GLB1: variants seen among roughly 807,000 people sequenced by gnomAD.
The protein encoded by GLB1 is beta-galactosidase.
In GLB1, 56 loss-of-function variants were observed where a neutral mutation model predicts 74.0. The observed-to-expected ratio is 0.76, with a 90% CI of 0.61 to 0.94. The LOEUF is 0.94. Among genes scored for constraint, GLB1 ranks in the 40% least tolerant of loss-of-function variants. The pLI is 0.00. For synonymous variants in GLB1, 323 were observed against 323.6 expected, an observed-to-expected ratio of 1.00 and a Z score of 0.02; for missense variants, 787 against 845.5, an observed-to-expected ratio of 0.93 and a Z score of 0.86.
intron 15 of GLB1, among the ~76,000 whole-genome samples, chr3:33,008,404 A>C (rs1696870773): frequency 6.6e-6 from 1 of 152,164 alleles, no homozygotes; most frequent in Admixed American, 6.5e-5. Context: ...TTCAGAATTC[A>C]GACTTCCTCC....
intron 10 of GLB1, among the ~76,000 whole-genome samples, chr3:33,027,340 C>G (rs949841286): frequency 6.6e-6 from 1 of 152,250 alleles, no homozygotes; most frequent in East Asian, 1.9e-4. Context: ...TGCTCACACA[C>G]CCCTTGCCGC....
At chr3:33,035,911 G>C (rs532692748) in intron 10 of GLB1, among the ~76,000 whole-genome samples, 3 of 152,172 alleles carry the variant, frequency 2.0e-5, no homozygotes, top group Admixed American at 2.0e-4. Context: ...TATAATTCAA[G>C]CTCCTTAACT....
chr3:32,972,727 T>A, the GLB1 span, among the ~76,000 whole-genome samples: 1 of 152,086 alleles, frequency 6.6e-6, no homozygotes. Flanking sequence ...ACCTCTGTTA[T>A]AAAAAGCACC....
the GLB1 span, among the ~76,000 whole-genome samples, chr3:32,988,185 C>CAAAAAAAAAAA: frequency 3.3e-5 from 2 of 60,448 alleles, 1 homozygote; most frequent in Non-Finnish European, 6.4e-5. Context: ...GACTCCATCT[C>CAAAAAAAAAAA]AAAAAAAAAA....
chr3:33,094,368 CAA>C, intron 1 of GLB1: 1 of 1,376,632 alleles, frequency 7.3e-7, no homozygotes, highest in Admixed American at 3.2e-5. Flanking sequence ...ATTCAAAACT[CAA>C]AGGCCACTTA....
At chr3:32,999,487 T>C (rs895766821) in intron 15 of GLB1, among the ~76,000 whole-genome samples, 1 of 152,190 alleles carries the variant, frequency 6.6e-6, no homozygotes, top group African/African-American at 2.4e-5. Flanking sequence ...GGTTTGGTCC[T>C]TTCTCAAACC....
chr3:33,052,301 G>A (rs1042340835), intron 7 of GLB1, among the ~76,000 whole-genome samples: 1 of 152,192 alleles, frequency 6.6e-6, no homozygotes, highest in Non-Finnish European at 1.5e-5. Flanking sequence ...GGAAAGTCTT[G>A]TTGGGCAAAG....
chr3:33,084,691 G>A (rs1700440210), intron 1 of GLB1, among the ~76,000 whole-genome samples: 1 of 151,980 alleles, frequency 6.6e-6, no homozygotes, highest in Non-Finnish European at 1.5e-5. Flanking sequence ...TCATCTCAGA[G>A]AAAAGGTAAA....
At chr3:33,048,385 G>C (rs778717653) in intron 9 of GLB1, among the ~76,000 whole-genome samples, 3 of 152,206 alleles carry the variant, frequency 2.0e-5, no homozygotes, top group Non-Finnish European at 4.4e-5. Context: ...GAGGGTGTGA[G>C]GTGGGAAGGT....
chr3:33,087,915 C>A (rs1046858806), intron 1 of GLB1, among the ~76,000 whole-genome samples: 1 of 152,042 alleles, frequency 6.6e-6, no homozygotes, highest in Non-Finnish European at 1.5e-5. Context: ...ATACTATGAT[C>A]AAGTGGGATT....
At chr3:33,050,574 G>A (rs1472688101) in intron 9 of GLB1, among the ~76,000 whole-genome samples, 2 of 152,202 alleles carry the variant, frequency 1.3e-5, no homozygotes, top group African/African-American at 4.8e-5. Context: ...GAAATGTTCA[G>A]AATTGGCAAA....
At chr3:33,071,466 A>C (rs1699885491) in intron 2 of GLB1, among the ~76,000 whole-genome samples, 1 of 152,216 alleles carries the variant, frequency 6.6e-6, no homozygotes, top group Non-Finnish European at 1.5e-5. Context: ...AGATGCAGAG[A>C]GATAGCTATT....
At chr3:32,971,088 G>A in the GLB1 span, among the ~76,000 whole-genome samples, 1 of 152,150 alleles carries the variant, frequency 6.6e-6, no homozygotes, top group African/African-American at 2.4e-5. Flanking sequence ...TCGGATGCCC[G>A]GACTGTAACA....
intron 3 of GLB1, 102 bp downstream of exon 3, chr3:33,068,718 C>A: frequency 6.3e-7 from 1 of 1,599,028 alleles, no homozygotes; most frequent in South Asian, 1.1e-5. Context: ...GTCCCAGGCC[C>A]CATGCTCTCT....
At chr3:33,046,005 C>T in intron 10 of GLB1, 115 bp downstream of exon 10, 2 of 1,332,782 alleles carry the variant, frequency 1.5e-6, no homozygotes, top group South Asian at 1.3e-5. Flanking sequence ...TGCCTCCCTT[C>T]ATCCATCCTT....
intron 4 of GLB1, 138 bp downstream of exon 4, chr3:33,068,092 G>T (rs540559883): frequency 1.6e-6 from 2 of 1,237,152 alleles, no homozygotes; most frequent in African/African-American, 1.5e-5. Flanking sequence ...TTGCCATTTT[G>T]GCCAGCCTGG....
intron 10 of GLB1, among the ~76,000 whole-genome samples, chr3:33,027,845 G>A (rs1697836176): frequency 6.6e-6 from 1 of 152,030 alleles, no homozygotes; most frequent in Non-Finnish European, 1.5e-5. Flanking sequence ...ATAGTGAAAA[G>A]CAACAGTCCC....
At chr3:33,056,519 T>A (rs1195566281) in intron 6 of GLB1, among the ~76,000 whole-genome samples, 1 of 151,978 alleles carries the variant, frequency 6.6e-6, no homozygotes, top group Admixed American at 6.6e-5. Context: ...GCTCAAGTGA[T>A]CTTCCCACCT....
chr3:33,066,036 G>T (rs1052364363), intron 4 of GLB1, among the ~76,000 whole-genome samples: 1 of 151,944 alleles, frequency 6.6e-6, no homozygotes, highest in Admixed American at 6.5e-5. Flanking sequence ...TTACACCAGG[G>T]CTGGCAGCAG....
Sources: gnomAD v4.1 joint callset for allele counts (sites outside exome capture counted in the v4.1 genomes callset) on GRCh38, gnomAD v4.1.1 for gene constraint, MANE v1.5 for transcripts, NCBI Gene and HGNC (gene_info 2026-07-23, HGNC 2026-07-21) for gene names.